Variants in KIAA1217 observed in about 807,000 individuals in gnomAD.
KIAA1217 encodes the protein sickle tail protein homolog.
A neutral mutation model predicts 163.9 loss-of-function variants in KIAA1217; 88 were observed. The observed-to-expected ratio is 0.54, with a 90% CI of 0.45 to 0.64. The LOEUF (loss-of-function observed/expected upper bound fraction) is 0.64, where lower values mean the gene tolerates loss of function less well. Ranked by LOEUF, KIAA1217 falls within the 30% of genes least tolerant of loss-of-function variation. KIAA1217 has a pLI of 0.00. For missense variants in KIAA1217, 2,372 were observed against 2,475.0 expected (o/e 0.96, Z 0.88); for synonymous variants, 903 against 923.1 (o/e 0.98, Z 0.39).
At chr10:24,161,760 C>T (rs982307978) in intron 2 of KIAA1217, among the ~76,000 whole-genome samples, 2 of 152,206 alleles carry the variant, frequency 1.3e-5, no homozygotes, top group African/African-American at 4.8e-5. Context: ...TAAGCCTCCA[C>T]TGTTAAAGCT....
At chr10:23,836,148 TG>T (rs1228875138) in intron 1 of KIAA1217, among the ~76,000 whole-genome samples, 8 of 152,214 alleles carry the variant, frequency 5.3e-5, no homozygotes, top group Non-Finnish European at 8.8e-5. Context: ...ATTAGATAAG[TG>T]ATATAACCTA....
At chr10:23,775,152 A>G (rs1466456485) in intron 1 of KIAA1217, among the ~76,000 whole-genome samples, 2 of 152,172 alleles carry the variant, frequency 1.3e-5, no homozygotes, top group East Asian at 3.9e-4. Context: ...CCCTTAGCTC[A>G]CAGATGACCA....
chr10:23,946,651 T>A (rs1844061988), intron 1 of KIAA1217, among the ~76,000 whole-genome samples: 1 of 152,200 alleles, frequency 6.6e-6, no homozygotes, highest in East Asian at 1.9e-4. Flanking sequence ...ATTATTGTTA[T>A]GCTTACCTGC....
chr10:23,987,178 C>T (rs557455690), intron 1 of KIAA1217, among the ~76,000 whole-genome samples: 15 of 151,956 alleles, frequency 9.9e-5, no homozygotes, highest in African/African-American at 3.4e-4. Context: ...GAGATCGAGA[C>T]CATCCGGGCT....
chr10:24,497,905 A>G (rs889198578), intron 8 of KIAA1217, among the ~76,000 whole-genome samples: 1 of 152,120 alleles, frequency 6.6e-6, no homozygotes, highest in Admixed American at 6.5e-5. Context: ...TGATGGGTGT[A>G]CTAAAATCTC....
rs183983851 is a variant in KIAA1217 at position 23,844,690 on chromosome 10, A to G, written c.-321+149456A>G. Among the ~76,000 whole-genome samples the G allele has an allele frequency of 3.0e-4, 45 of 149,604 alleles. 2 individuals carry two copies. In the East Asian group the frequency reaches 8.6e-3, roughly 29 times the overall value. On this transcript the variant is annotated intron_variant, in intron 1 of 18. Transcript: ENST00000376462. ...TTGGAGTCCCTCAAGGCTTGGTTCT[A>G]GGTCCTCTTTTCTTTTCTTTTTTTT... is the stretch of plus-strand genomic sequence containing the variant.
intron 2 of KIAA1217, among the ~76,000 whole-genome samples, chr10:24,162,311 A>C (rs2031648): frequency 0.72 from 109,546 of 152,170 alleles, 39,740 homozygotes; most frequent in Middle Eastern, 0.78. Context: ...TGTATTCACT[A>C]CTCTCTGTGA....
At chr10:23,936,001 A>G (rs12262603) in intron 1 of KIAA1217, among the ~76,000 whole-genome samples, 22,836 of 152,164 alleles carry the variant, frequency 0.15, 3,667 homozygotes, top group African/African-American at 0.41. Flanking sequence ...AGGAGCCATG[A>G]TGTATCCCCA....
intron 2 of KIAA1217, among the ~76,000 whole-genome samples, chr10:24,272,607 C>T (rs2076879958): frequency 6.6e-6 from 1 of 152,228 alleles, no homozygotes; most frequent in Admixed American, 6.5e-5. Flanking sequence ...AACTCGAATT[C>T]TAGCCACATT....
chr10:24,240,973 A>T (rs1590157409), intron 2 of KIAA1217, among the ~76,000 whole-genome samples: 1 of 151,900 alleles, frequency 6.6e-6, no homozygotes, highest in Non-Finnish European at 1.5e-5. Context: ...CTCCCACCTC[A>T]GCCTCCTGAC....
At chr10:24,305,439 C>T (rs549336208) in intron 2 of KIAA1217, among the ~76,000 whole-genome samples, 3 of 152,270 alleles carry the variant, frequency 2.0e-5, no homozygotes, top group South Asian at 2.1e-4. Flanking sequence ...CATTAGCAGG[C>T]GTCCGAGGGT....
intron 2 of KIAA1217, among the ~76,000 whole-genome samples, chr10:24,286,918 T>C (rs2366909): frequency 0.028 from 4,199 of 152,286 alleles, 213 homozygotes; most frequent in African/African-American, 0.097. Context: ...TATTTCACTT[T>C]CAGTCATGGG....
At chr10:23,939,545 A>C (rs1255980187) in intron 1 of KIAA1217, among the ~76,000 whole-genome samples, 1 of 152,052 alleles carries the variant, frequency 6.6e-6, no homozygotes, top group Non-Finnish European at 1.5e-5. Context: ...CAGTACATAA[A>C]ATATAATTTA....
chr10:24,502,540 G>A (rs1269547177), intron 9 of KIAA1217, among the ~76,000 whole-genome samples: 2 of 152,126 alleles, frequency 1.3e-5, no homozygotes, highest in Non-Finnish European at 2.9e-5. Context: ...TAATAAGGAG[G>A]TAGAGATGTG....
Position 23,809,816 on chromosome 10 carries a change from T to G in KIAA1217, c.-321+114582T>G, listed in dbSNP as rs551878969. ...ATAACTCTAATTACAATATGCTGGA[T>G]AGCAACACATGTATCTGCATATGCA... is the stretch of plus-strand genomic sequence containing the variant. On this transcript the variant is annotated intron_variant, in intron 1 of 18. Transcript: ENST00000376462. Among the ~76,000 whole-genome samples, 6 of 152,188 alleles carry G rather than the reference T, an allele frequency of 3.9e-5. No individual in the cohort carries two copies. In the East Asian group the frequency reaches 1.2e-3, roughly 29 times the overall value.
chr10:24,354,090 G>C (rs183546998), intron 2 of KIAA1217, among the ~76,000 whole-genome samples: 2 of 152,288 alleles, frequency 1.3e-5, no homozygotes, highest in East Asian at 3.9e-4. Flanking sequence ...TTATAAAGAA[G>C]ATTGAACATA....
Position 24,315,444 on chromosome 10 carries a change from A to G in KIAA1217, c.355-65425A>G, listed in dbSNP as rs150934710. Among the ~76,000 whole-genome samples, 550 of 152,288 alleles carry G rather than the reference A, an allele frequency of 3.6e-3. 3 individuals are homozygous for G. Among genetic ancestry groups the G allele is most frequent in the Middle Eastern group, 0.034 (10 of 294 alleles). ...AAGGAAGGAAGTAGGACTTTGACTA[A>G]TTGCACAAACAGCAATTTTGTGTTT... is the stretch of plus-strand genomic sequence containing the variant. On this transcript the variant is annotated intron_variant, in intron 2 of 20. Coordinates refer to ENST00000376454, the MANE Select transcript of KIAA1217 (RefSeq NM_019590.5).
chr10:23,946,041 T>C (rs1297010352), intron 1 of KIAA1217, among the ~76,000 whole-genome samples: 1 of 152,204 alleles, frequency 6.6e-6, no homozygotes, highest in Non-Finnish European at 1.5e-5. Context: ...ATAGTAATTG[T>C]GGTTTTTGCC....
chr10:24,205,616 A>T (rs2067513899), upstream of KIAA1217, among the ~76,000 whole-genome samples: 1 of 151,876 alleles, frequency 6.6e-6, no homozygotes, highest in South Asian at 2.1e-4. Flanking sequence ...TACTAAAAAT[A>T]CAAAAAGTTA....
Sources: gnomAD v4.1 joint callset for allele counts (sites outside exome capture counted in the v4.1 genomes callset) on GRCh38, gnomAD v4.1.1 for gene constraint, MANE v1.5 for transcripts, NCBI Gene and HGNC (gene_info 2026-07-23, HGNC 2026-07-21) for gene names.